SIRPG: variants seen among roughly 807,000 people sequenced by gnomAD.
SIRPG encodes the protein signal-regulatory protein gamma.
SIRPG carries 38 observed loss-of-function variants against 35.7 expected under a neutral mutation model. The ratio of observed to expected loss-of-function variants is 1.06; its 90% CI spans 0.82 to 1.40. The LOEUF is 1.40. Among genes scored for constraint, SIRPG ranks in the 40% most tolerant of loss-of-function variants. The pLI, the probability that SIRPG is intolerant of heterozygous loss-of-function variation, is 0.00. For synonymous variants in SIRPG, 215 were observed against 190.4 expected (o/e 1.13, Z -1.06); for missense variants, 519 against 483.0 (o/e 1.07, Z -0.70).
intron 2 of SIRPG, among the ~76,000 whole-genome samples, chr20:1,641,459 C>T (rs2091851332): frequency 6.6e-6 from 1 of 151,972 alleles, no homozygotes; most frequent in Admixed American, 6.5e-5. Context: ...GGTGATATCC[C>T]CTTTATCTTT....
chr20:1,686,126 A>C, the SIRPG span, among the ~76,000 whole-genome samples: 22 of 152,340 alleles, frequency 1.4e-4, no homozygotes, highest in Non-Finnish European at 2.8e-4. Flanking sequence ...TGCTGGTTGA[A>C]GGATCACCTG....
the SIRPG span, among the ~76,000 whole-genome samples, chr20:1,679,800 T>C: frequency 3.3e-5 from 5 of 152,112 alleles, no homozygotes; most frequent in Non-Finnish European, 2.9e-5. Flanking sequence ...CTTTGAATGC[T>C]CATGGCTTGC....
intron 1 of SIRPG, among the ~76,000 whole-genome samples, chr20:1,654,294 G>T (rs562154903): frequency 1.3e-5 from 2 of 150,538 alleles, no homozygotes; most frequent in African/African-American, 4.9e-5. Context: ...TTTCAACATT[G>T]ACTACAGTGT....
chr20:1,663,401 T>C, the SIRPG span, among the ~76,000 whole-genome samples: 1 of 152,200 alleles, frequency 6.6e-6, no homozygotes, highest in African/African-American at 2.4e-5. Flanking sequence ...ATGATACTGA[T>C]TGGGACCAGG....
At chr20:1,671,493 C>T in the SIRPG span, among the ~76,000 whole-genome samples, 1 of 152,132 alleles carries the variant, frequency 6.6e-6, no homozygotes, top group African/African-American at 2.4e-5. Context: ...CCTGCCTCCC[C>T]TGGAGAGTTC....
At chr20:1,643,628 G>A (rs978839321) in intron 2 of SIRPG, among the ~76,000 whole-genome samples, 3 of 152,120 alleles carry the variant, frequency 2.0e-5, no homozygotes, top group South Asian at 2.1e-4. Flanking sequence ...GACTCATTGC[G>A]ATCATTTGGA....
At position 1,649,144 on chromosome 20, in the gene SIRPG, T is replaced by C; in HGVS notation, c.338A>G (p.Asp113Gly). Residue 113 changes from aspartate (D) to glycine (G), a missense_variant, in exon 2 of 6, where the codon GAT becomes GGT. Coordinates refer to ENST00000303415, the MANE Select transcript of SIRPG (RefSeq NM_018556.4). The stretch of plus-strand genomic sequence containing the variant: ...CTTCACACAGTAGTATGTGCCGACA[T>C]CTGCTGGGGTGATGCTACTGATGCG... ...SIRISSITPA[D>G]VGTYYCVKFR... 6.2e-7 allele frequency: 1 copy of C among 1,614,042 alleles called. No homozygotes were observed. Among genetic ancestry groups the C allele is most frequent in the Non-Finnish European group, 8.5e-7 (1 of 1,179,978 alleles).
intron 4 of SIRPG, among the ~76,000 whole-genome samples, chr20:1,633,918 C>A (rs1012370805): frequency 2.6e-5 from 4 of 152,184 alleles, no homozygotes; most frequent in Non-Finnish European, 5.9e-5. Context: ...TGATACTGAC[C>A]TTGTCCTCAG....
chr20:1,642,390 C>A (rs886835144), intron 2 of SIRPG, among the ~76,000 whole-genome samples: 1 of 152,130 alleles, frequency 6.6e-6, no homozygotes, highest in Non-Finnish European at 1.5e-5. Context: ...AGGATCGCAA[C>A]CCCCACCTTC....
rs117865937 is a variant in SIRPG at position 1,643,851 on chromosome 20, G to A, written c.430+5201C>T. 5.2e-3 allele frequency among the ~76,000 whole-genome samples: 788 copies of A among 152,228 alleles called. 11 individuals carry two copies. The highest frequency in any genetic ancestry group is 8.6e-3 in the Non-Finnish European group (582 of 68,014). On this transcript the variant is annotated intron_variant, in intron 2 of 5. Coordinates refer to ENST00000303415, the MANE Select transcript of SIRPG (RefSeq NM_018556.4). ...CTGCAAGGCTGCTGCAGTTTGTTGG[G>A]GGTTCACTTCGGGCCTTTTCATCTG...
At chr20:1,660,019 A>G (rs1221617092), upstream of SIRPG, among the ~76,000 whole-genome samples, 1 of 152,254 alleles carries the variant, frequency 6.6e-6, no homozygotes, top group East Asian at 1.9e-4. Flanking sequence ...CTGAGCAAAT[A>G]TGAAAAAACA....
At chr20:1,652,872 C>T (rs958862753) in intron 1 of SIRPG, among the ~76,000 whole-genome samples, 7 of 152,104 alleles carry the variant, frequency 4.6e-5, no homozygotes, top group Non-Finnish European at 1.0e-4. Flanking sequence ...TACCAAAGTA[C>T]CCCATGTTTT....
chr20:1,663,112 G>T, the SIRPG span, among the ~76,000 whole-genome samples: 2 of 152,092 alleles, frequency 1.3e-5, no homozygotes, highest in African/African-American at 4.8e-5. Flanking sequence ...AGGAGATCGA[G>T]ACCATCCTGG....
the SIRPG span, among the ~76,000 whole-genome samples, chr20:1,681,099 G>T: frequency 7.9e-5 from 12 of 152,304 alleles, no homozygotes; most frequent in East Asian, 1.9e-3. Context: ...TAAATGGATT[G>T]TTTCTGTTGA....
intron 2 of SIRPG, among the ~76,000 whole-genome samples, chr20:1,639,816 T>C (rs1184851058): frequency 6.6e-6 from 1 of 152,174 alleles, no homozygotes; most frequent in Non-Finnish European, 1.5e-5. Context: ...AAGGAAGGGG[T>C]CTGGTTTCAG....
the SIRPG span, among the ~76,000 whole-genome samples, chr20:1,673,331 G>A: frequency 6.6e-6 from 1 of 151,956 alleles, no homozygotes; most frequent in Admixed American, 6.5e-5. Context: ...CCTGTGAGGG[G>A]GTCCTAATGT....
rs148299659 is a variant in SIRPG, at chr20:1,653,637, G to T, written c.73+4005C>A. On this transcript the variant is annotated intron_variant, in intron 1 of 5. Coordinates refer to ENST00000303415, the MANE Select transcript of SIRPG (RefSeq NM_018556.4). Reference sequence around the variant, plus strand: ...CAGAAATTCTGCTTTGAGGGAAAATGCATTTTACCAAGAGAGAAGTTTGCT... The same window carrying T: ...CAGAAATTCTGCTTTGAGGGAAAATTCATTTTACCAAGAGAGAAGTTTGCT... Among the ~76,000 whole-genome samples the T allele has an allele frequency of 4.5e-3, 679 of 152,276 alleles. 10 individuals are homozygous for T. The highest frequency in any genetic ancestry group is 0.016 in the African/African-American group (665 of 41,546).
upstream of SIRPG, among the ~76,000 whole-genome samples, chr20:1,659,286 C>G (rs767716971): frequency 6.6e-6 from 1 of 152,216 alleles, no homozygotes; most frequent in Non-Finnish European, 1.5e-5. Context: ...GGTTCTTAAT[C>G]TGTCATGAAT....
At chr20:1,680,683 A>G in the SIRPG span, among the ~76,000 whole-genome samples, 3 of 149,306 alleles carry the variant, frequency 2.0e-5, no homozygotes, top group South Asian at 2.3e-4. Flanking sequence ...AATGTACCAT[A>G]TTTATGGAAT....
Sources: allele counts gnomAD v4.1 joint callset (sites outside exome capture counted in the v4.1 genomes callset), GRCh38; gene constraint gnomAD v4.1.1; transcripts MANE v1.5; gene names NCBI Gene and HGNC (gene_info 2026-07-23, HGNC 2026-07-21).